WNK1: variants seen among roughly 807,000 people sequenced by gnomAD.
The protein encoded by WNK1 is WNK lysine deficient protein kinase 1, also known as serine/threonine-protein kinase WNK1.
Under a neutral mutation model 222.8 loss-of-function variants are expected in WNK1, and 38 were observed. The observed-to-expected ratio is 0.17, with a 90% CI of 0.13 to 0.22. The LOEUF is 0.22. WNK1 is among the 10% of genes least tolerant of loss of function. The pLI is 1.00. For missense variants in WNK1, 2,348 were observed against 2,918.4 expected (o/e 0.80, Z 4.50); for synonymous variants, 1,090 against 1,092.9 (o/e 1.00, Z 0.05).
At chr12:906,715 A>G (rs142590266) in intron 26 of WNK1, 10,981 of 985,282 alleles carry the variant, frequency 0.011, 84 homozygotes, top group Non-Finnish European at 0.012. Flanking sequence ...TGAACACAGC[A>G]TGCTACTTCT....
chr12:790,725 C>G (rs1156904148), intron 1 of WNK1, among the ~76,000 whole-genome samples: 1 of 152,162 alleles, frequency 6.6e-6, no homozygotes, highest in African/African-American at 2.4e-5. Context: ...TGTCTCATAT[C>G]TTAGTGTTAC....
At chr12:901,398 T>G (rs1380429659) in intron 26 of WNK1, among the ~76,000 whole-genome samples, 1 of 152,238 alleles carries the variant, frequency 6.6e-6, no homozygotes, top group Non-Finnish European at 1.5e-5. Context: ...AATTAAGACC[T>G]AATATTTCAT....
intron 1 of WNK1, among the ~76,000 whole-genome samples, chr12:790,623 T>C (rs1416159217): frequency 2.0e-5 from 3 of 152,196 alleles, no homozygotes; most frequent in South Asian, 2.1e-4. Flanking sequence ...AAAGAACATA[T>C]AATAACCAGT....
intron 4 of WNK1, among the ~76,000 whole-genome samples, chr12:856,014 A>G (rs1227428651): frequency 6.6e-6 from 1 of 151,320 alleles, no homozygotes; most frequent in Non-Finnish European, 1.5e-5. Flanking sequence ...TAATTTTTGT[A>G]TTTTTAGTAG....
chr12:767,214 C>T (rs1320511386), intron 1 of WNK1, among the ~76,000 whole-genome samples: 1 of 139,254 alleles, frequency 7.2e-6, no homozygotes, highest in Non-Finnish European at 1.5e-5. Context: ...CCTGTTGTGG[C>T]AGACTTTCTG....
chr12:813,005 C>T (rs1947043248), intron 1 of WNK1, among the ~76,000 whole-genome samples: 1 of 151,798 alleles, frequency 6.6e-6, no homozygotes, highest in South Asian at 2.1e-4. Context: ...CTTTGGGATG[C>T]CAAAGTAGGA....
Position 821,168 on chromosome 12 carries a change from C to T in WNK1, c.933-5874C>T, listed in dbSNP as rs573830884. On this transcript the variant is annotated intron_variant, in intron 2 of 27. Transcript: ENST00000315939. ...GTGATATATTATACTGATTAATTTTCTTATGTTGAATCACCCTTGCATTTC... is the reference window on the plus strand; with the variant it reads ...GTGATATATTATACTGATTAATTTTTTTATGTTGAATCACCCTTGCATTTC... Among the ~76,000 whole-genome samples, 235 of 143,630 alleles carry T rather than the reference C, an allele frequency of 1.6e-3. 2 individuals carry two copies. The highest frequency in any genetic ancestry group is 7.6e-3 in the Middle Eastern group (2 of 264). 94.2% of individuals were successfully genotyped at this position (143,630 alleles called of 152,430 possible).
intron 4 of WNK1, 78 bp downstream of exon 4, chr12:830,238 G>A: frequency 6.6e-7 from 1 of 1,521,956 alleles, no homozygotes; most frequent in Non-Finnish European, 9.1e-7. Context: ...ATCAAACCAT[G>A]TAAAAGAGGA....
At position 911,317 on chromosome 12, in the gene WNK1, G is replaced by A. The variant is rs182657421; in HGVS notation, c.*2525G>A. 7.5e-6 allele frequency: 3 copies of A among 398,516 alleles called. No homozygotes were observed. The highest frequency in any genetic ancestry group is 1.3e-4 in the South Asian group (1 of 7,858). The allele number at this position is 398,516 out of a possible 1,614,324, so 24.7% of individuals were successfully genotyped here. A position where few individuals can be genotyped will look rare whatever the true frequency, so the allele number is the denominator to read the frequency against. On this transcript the variant is annotated 3_prime_UTR_variant, in exon 28 of 28. Transcript: ENST00000315939. ...AAATTCAAACTTTGGGGGTTTCTCA[G>A]CAGCCGTTAATTGTACATTTTGCAC...
chr12:861,992 A>T, intron 7 of WNK1, 91 bp from the exon 8 acceptor site: 1 of 1,444,184 alleles, frequency 6.9e-7, no homozygotes, highest in South Asian at 1.2e-5. Flanking sequence ...TACCCCTAAT[A>T]TAATGGGTCT....
chr12:798,732 T>G (rs764415885), intron 1 of WNK1, among the ~76,000 whole-genome samples: 10 of 152,184 alleles, frequency 6.6e-5, no homozygotes, highest in Admixed American at 5.9e-4. Flanking sequence ...TAATAAACTT[T>G]GCCTCCACAT....
At chr12:893,072 T>C (rs563438981) in intron 22 of WNK1, among the ~76,000 whole-genome samples, 1 of 152,226 alleles carries the variant, frequency 6.6e-6, no homozygotes, top group East Asian at 1.9e-4. Context: ...CTGGGCAATA[T>C]AGTGAGACCC....
In WNK1 at chr12:870,975, C is replaced by G. The variant is rs913999400; in HGVS notation, c.2140-290C>G. 1.6e-4 allele frequency among the ~76,000 whole-genome samples: 24 copies of G among 152,272 alleles called. No homozygotes were observed. The South Asian group carries it at 2.9e-3, about 18-fold the overall frequency. On this transcript the variant is annotated intron_variant, in intron 8 of 27. Transcript: ENST00000315939. ...TCTAATAACAAATTTTATTATGAATCTGACGATTCTAGCCAGCTAAAATTA... is the reference window on the plus strand; with the variant it reads ...TCTAATAACAAATTTTATTATGAATGTGACGATTCTAGCCAGCTAAAATTA...
Position 764,123 on chromosome 12 carries a change from G to A in WNK1, c.759+9799G>A, listed in dbSNP as rs113221292. 6.8e-5 allele frequency among the ~76,000 whole-genome samples: 10 copies of A among 147,302 alleles called. 1 individual carries two copies. Among genetic ancestry groups the A allele is most frequent in the Non-Finnish European group, 1.2e-4 (8 of 65,944 alleles). On this transcript the variant is annotated intron_variant, in intron 1 of 27. Coordinates refer to ENST00000315939, the MANE Select transcript of WNK1 (RefSeq NM_018979.4). ...GAAATAATGGAAGTAAATGAGATAC[G>A]CTAGGGAGAGGATATGAAGAGATAG...
intron 10 of WNK1, 113 bp from the exon 11 acceptor site, chr12:879,460 T>TTTTTCCTTCTTTTTGGC: frequency 5.6e-6 from 4 of 717,302 alleles, no homozygotes; most frequent in South Asian, 1.8e-5. Flanking sequence ...TTTTTTTTGT[T>TTTTTCCTTCTTTTTGGC]TGTTTTTTCC....
chr12:790,146 A>C (rs543288024), intron 1 of WNK1, among the ~76,000 whole-genome samples: 3 of 152,322 alleles, frequency 2.0e-5, no homozygotes, highest in African/African-American at 7.2e-5. Context: ...CTGCTACTTA[A>C]CTCACTCTTG....
chr12:867,726 A>G, intron 8 of WNK1: 1 of 967,862 alleles, frequency 1.0e-6, no homozygotes, highest in Non-Finnish European at 1.6e-6. Context: ...CATAATTTCC[A>G]GAAGCATTGT....
At chr12:842,897 C>T (rs1949734709) in intron 4 of WNK1, among the ~76,000 whole-genome samples, 1 of 151,990 alleles carries the variant, frequency 6.6e-6, no homozygotes, top group Non-Finnish European at 1.5e-5. Context: ...TGAGAAGGGA[C>T]CAAGACAGCT....
At chr12:849,214 A>G (rs1233354697) in intron 4 of WNK1, among the ~76,000 whole-genome samples, 2 of 152,190 alleles carry the variant, frequency 1.3e-5, no homozygotes, top group Non-Finnish European at 2.9e-5. Context: ...AATTAGTAGC[A>G]TTTCTAACCT....
Sources: gnomAD v4.1 joint callset for allele counts (sites outside exome capture counted in the v4.1 genomes callset) on GRCh38, gnomAD v4.1.1 for gene constraint, MANE v1.5 for transcripts, NCBI Gene and HGNC (gene_info 2026-07-23, HGNC 2026-07-21) for gene names.